ELL: variants seen among roughly 807,000 people sequenced by gnomAD.
ELL encodes the protein elongation factor for RNA polymerase II.
A neutral mutation model predicts 64.0 loss-of-function variants in ELL; 18 were observed. The ratio of observed to expected loss-of-function variants is 0.28; its 90% CI spans 0.19 to 0.42. The LOEUF is 0.42. Ranked by LOEUF, ELL falls within the 10% of genes least tolerant of loss-of-function variation. The pLI is 1.00. For missense variants in ELL, 797 were observed against 870.4 expected, an observed-to-expected ratio of 0.92 and a Z score of 1.06; for synonymous variants, 399 against 376.2, an observed-to-expected ratio of 1.06 and a Z score of -0.70.
chr19:18,486,611 CCT>C (rs1298684413), intron 1 of ELL, among the ~76,000 whole-genome samples: 1 of 152,194 alleles, frequency 6.6e-6, no homozygotes, highest in Non-Finnish European at 1.5e-5. Context: ...TCACGGGGCC[CCT>C]GTGTCACGTC....
chr19:18,479,134 G>A (rs181825852), intron 1 of ELL, among the ~76,000 whole-genome samples: 472 of 152,282 alleles, frequency 3.1e-3, no homozygotes, highest in African/African-American at 9.4e-3. Flanking sequence ...CCCAGGGCAC[G>A]AGGCAATGTC....
intron 5 of ELL, among the ~76,000 whole-genome samples, chr19:18,458,613 G>A (rs1974735367): frequency 6.6e-6 from 1 of 152,100 alleles, no homozygotes; most frequent in South Asian, 2.1e-4. Context: ...TCCAAAAAGG[G>A]GAGGGCTACC....
In ELL at chr19:18,461,825, G is replaced by T; in HGVS notation, c.497C>A (p.Ala166Asp). The T allele has an allele frequency of 6.2e-7, 1 of 1,613,484 alleles. No homozygotes were observed. ...GGGCACCGCGTCTGTTGCACCTGGGGCTGGTTTCCGAAACTGAACCTTCTT... is the reference window on the plus strand; with the variant it reads ...GGGCACCGCGTCTGTTGCACCTGGGTCTGGTTTCCGAAACTGAACCTTCTT... ...LGKKVQFRKP[A>D]PGATDAVPSR... Residue 166 changes from alanine (A) to aspartate (D), a missense_variant, in exon 5 of 12, where the codon GCC (alanine) becomes GAC (aspartate). Ala to Asp is a moderately radical substitution (Grantham distance 126, BLOSUM62 -2). Coordinates refer to ENST00000262809, the MANE Select transcript of ELL (RefSeq NM_006532.4).
intron 9 of ELL, 92 bp downstream of exon 9, chr19:18,446,656 G>A: frequency 6.5e-7 from 1 of 1,536,104 alleles, no homozygotes; most frequent in Middle Eastern, 1.7e-4. Context: ...GACTTGCAGT[G>A]GCTTCTACCT....
At chr19:18,496,606 G>C (rs1039098351) in intron 1 of ELL, among the ~76,000 whole-genome samples, 2 of 152,214 alleles carry the variant, frequency 1.3e-5, no homozygotes, top group African/African-American at 4.8e-5. Flanking sequence ...CGTGGAGTAG[G>C]GTTGGGGTTT....
intron 1 of ELL, among the ~76,000 whole-genome samples, chr19:18,488,659 G>T (rs967816116): frequency 5.3e-5 from 8 of 152,150 alleles, no homozygotes; most frequent in African/African-American, 1.9e-4. Context: ...CATCTTGAGG[G>T]CCAACTTCAA....
chr19:18,470,403 CAG>C (rs991254174), intron 2 of ELL, among the ~76,000 whole-genome samples: 1 of 152,228 alleles, frequency 6.6e-6, no homozygotes, highest in Non-Finnish European at 1.5e-5. Flanking sequence ...GCAGAAGGCA[CAG>C]AGTGACTGCT....
intron 2 of ELL, chr19:18,472,501 T>C: frequency 3.1e-6 from 1 of 325,456 alleles, no homozygotes; most frequent in Admixed American, 4.5e-5. Context: ...ACAGCTCACC[T>C]CCTGCTGTGT....
At chr19:18,447,098 A>C (rs1974432633) in intron 8 of ELL, among the ~76,000 whole-genome samples, 1 of 152,194 alleles carries the variant, frequency 6.6e-6, no homozygotes, top group South Asian at 2.1e-4. Flanking sequence ...CCCAGGCATC[A>C]CCACAGTCAC....
At position 18,444,705 on chromosome 19, in the gene ELL, C is replaced by T; in HGVS notation, c.*47G>A. The stretch of plus-strand genomic sequence containing the variant: ...TTTTAAATAAATCCTCTCTCACCGC[C>T]TTTTGCTCCCCCGACCCTCCCAGAT... On this transcript the variant is annotated 3_prime_UTR_variant, in exon 12 of 12. Transcript: ENST00000262809. 6.5e-7 allele frequency: 1 copy of T among 1,530,252 alleles called. No homozygotes were observed. Among genetic ancestry groups the T allele is most frequent in the Non-Finnish European group, 8.8e-7 (1 of 1,134,868 alleles). The allele number at this position is 1,530,252 out of a possible 1,614,324, so 94.8% of individuals were successfully genotyped here.
chr19:18,466,818 G>A (rs1199219235), intron 2 of ELL, among the ~76,000 whole-genome samples: 1 of 152,184 alleles, frequency 6.6e-6, no homozygotes, highest in African/African-American at 2.4e-5. Flanking sequence ...CAACATGGGG[G>A]GAGCCCTCAG....
Position 18,450,995 on chromosome 19 carries a change from AT to A in ELL, c.967-21del. ...CCGCTTCTGGAGAGGAGCAGAGATC[AT>A]TTTAGAGGGGAGCACAGAGTGGCTG... On this transcript the variant is annotated intron_variant, in intron 7 of 11. Transcript: ENST00000262809. 6.6e-7 allele frequency: 1 copy of A among 1,508,774 alleles called. No homozygotes were observed. 93.5% of individuals were successfully genotyped at this position (1,508,774 alleles called of 1,614,324 possible).
chr19:18,503,834 G>T (rs976490895), intron 1 of ELL, among the ~76,000 whole-genome samples: 5 of 152,092 alleles, frequency 3.3e-5, no homozygotes, highest in African/African-American at 1.2e-4. Flanking sequence ...AGGGCCCACG[G>T]GACTGTCACT....
At chr19:18,464,622 G>C (rs1465784794) in intron 4 of ELL, among the ~76,000 whole-genome samples, 1 of 152,172 alleles carries the variant, frequency 6.6e-6, no homozygotes, top group African/African-American at 2.4e-5. Context: ...GGAGGAGAGA[G>C]AGGAATTGAA....
At chr19:18,469,728 C>A (rs763879689) in intron 2 of ELL, among the ~76,000 whole-genome samples, 1 of 152,258 alleles carries the variant, frequency 6.6e-6, no homozygotes, top group Non-Finnish European at 1.5e-5. Context: ...CCCAAAGGCC[C>A]GCTCTGCCCT....
intron 6 of ELL, among the ~76,000 whole-genome samples, chr19:18,457,997 G>A (rs555437470): frequency 3.3e-5 from 5 of 152,332 alleles, no homozygotes; most frequent in East Asian, 1.9e-4. Flanking sequence ...CCCACTCTGT[G>A]AGCGTGGCCT....
intron 2 of ELL, among the ~76,000 whole-genome samples, chr19:18,470,268 T>C (rs1975037976): frequency 6.6e-6 from 1 of 152,246 alleles, no homozygotes; most frequent in South Asian, 2.1e-4. Context: ...AGGACACCAC[T>C]GTGTGCTTCG....
At chr19:18,458,581 G>A (rs1404676048) in intron 5 of ELL, among the ~76,000 whole-genome samples, 1 of 152,176 alleles carries the variant, frequency 6.6e-6, no homozygotes, top group African/African-American at 2.4e-5. Context: ...AACTGTCTTA[G>A]AGGTGCTGGG....
In ELL at chr19:18,461,520, CGCACAAGACCATCT is replaced by C. The variant is rs1482090227; in HGVS notation, c.744+44_744+57del. ...TCTCCATGCTCTGGCCCATCCCACC[CGCACAAGACCATCT>C]GCGGAGACCACTGGTAAAGACAAGA... On this transcript the variant is annotated intron_variant, in intron 5 of 11. Transcript: ENST00000262809. The C allele has an allele frequency of 1.0e-5, 16 of 1,544,306 alleles. No individual in the cohort carries two copies. In the Admixed American group the frequency reaches 2.8e-4, roughly 27 times the overall value.
Sources: gnomAD v4.1 joint callset for allele counts (sites outside exome capture counted in the v4.1 genomes callset) on GRCh38, gnomAD v4.1.1 for gene constraint, MANE v1.5 for transcripts, NCBI Gene and HGNC (gene_info 2026-07-23, HGNC 2026-07-21) for gene names.